OR1J2: variants seen among roughly 807,000 people sequenced by gnomAD.
The protein encoded by OR1J2 is olfactory receptor 1J2.
For synonymous variants in OR1J2, 142 were observed against 99.7 expected, an observed-to-expected ratio of 1.42 and a Z score of -2.52; for missense variants, 304 against 246.1, an observed-to-expected ratio of 1.24 and a Z score of -1.57.
chr9:122,544,762 C>T, the OR1J2 span, among the ~76,000 whole-genome samples: 1 of 152,144 alleles, frequency 6.6e-6, no homozygotes, highest in Non-Finnish European at 1.5e-5. Flanking sequence ...TTCTCTTGAT[C>T]CATCTGGCTA....
the OR1J2 span, among the ~76,000 whole-genome samples, chr9:122,474,787 G>T: frequency 8.6e-5 from 13 of 151,900 alleles, no homozygotes; most frequent in Non-Finnish European, 1.9e-4. Flanking sequence ...CATTCTTCAG[G>T]ACTGCAGTAA....
chr9:122,505,284 G>A, the OR1J2 span, among the ~76,000 whole-genome samples: 1 of 152,172 alleles, frequency 6.6e-6, no homozygotes, highest in Non-Finnish European at 1.5e-5. Context: ...CTTCTTGCTG[G>A]TGAGGACTCT....
chr9:122,493,837 A>G, the OR1J2 span, among the ~76,000 whole-genome samples: 4 of 152,260 alleles, frequency 2.6e-5, no homozygotes, highest in South Asian at 6.2e-4. Flanking sequence ...ATTTAATGCT[A>G]TGAACTCTCC....
the OR1J2 span, among the ~76,000 whole-genome samples, chr9:122,533,872 T>C: frequency 0.12 from 17,867 of 152,146 alleles, 1,714 homozygotes; most frequent in African/African-American, 0.26. Flanking sequence ...ACAGGGCTTC[T>C]GAGGCGATCA....
chr9:122,465,392 G>T, the OR1J2 span, among the ~76,000 whole-genome samples: 1 of 152,082 alleles, frequency 6.6e-6, no homozygotes, highest in Non-Finnish European at 1.5e-5. Flanking sequence ...AAGCAGAATG[G>T]GATCCCAAAA....
the OR1J2 span, among the ~76,000 whole-genome samples, chr9:122,500,027 A>G: frequency 0.046 from 6,973 of 152,288 alleles, 165 homozygotes; most frequent in Middle Eastern, 0.11. Flanking sequence ...AACACTTTCC[A>G]TAGTTCTGGC....
At chr9:122,464,076 C>T in the OR1J2 span, among the ~76,000 whole-genome samples, 1 of 152,284 alleles carries the variant, frequency 6.6e-6, no homozygotes, top group South Asian at 2.1e-4. Flanking sequence ...CAGGGTTAGG[C>T]ATGTCTGAGC....
At chr9:122,467,664 G>T in the OR1J2 span, among the ~76,000 whole-genome samples, 2 of 152,148 alleles carry the variant, frequency 1.3e-5, no homozygotes, top group African/African-American at 4.8e-5. Flanking sequence ...AGATGGCACT[G>T]CAAGGTATTA....
the OR1J2 span, among the ~76,000 whole-genome samples, chr9:122,533,602 C>T: frequency 6.6e-6 from 1 of 152,008 alleles, no homozygotes; most frequent in Admixed American, 6.6e-5. Context: ...GTTAAAGTGT[C>T]TCAGCCTAAT....
the OR1J2 span, among the ~76,000 whole-genome samples, chr9:122,474,563 G>A: frequency 6.6e-6 from 1 of 152,274 alleles, no homozygotes; most frequent in South Asian, 2.1e-4. Flanking sequence ...GCAGGTATCA[G>A]GATGAAATAA....
the OR1J2 span, among the ~76,000 whole-genome samples, chr9:122,468,685 C>T: frequency 3.3e-5 from 5 of 152,334 alleles, no homozygotes; most frequent in East Asian, 9.6e-4. Flanking sequence ...GCAGTCCCCG[C>T]TGCATCCTTG....
chr9:122,469,530 A>G, the OR1J2 span, among the ~76,000 whole-genome samples: 2 of 152,202 alleles, frequency 1.3e-5, no homozygotes, highest in Non-Finnish European at 2.9e-5. Context: ...CAGCTGCATG[A>G]AAATGGACTA....
At chr9:122,466,038 G>A in the OR1J2 span, among the ~76,000 whole-genome samples, 1 of 152,162 alleles carries the variant, frequency 6.6e-6, no homozygotes, top group Non-Finnish European at 1.5e-5. Context: ...AATTAACACA[G>A]TATTATAATT....
the OR1J2 span, among the ~76,000 whole-genome samples, chr9:122,530,974 T>C: frequency 6.6e-6 from 1 of 152,194 alleles, no homozygotes; most frequent in African/African-American, 2.4e-5. Flanking sequence ...ACAGGGGATA[T>C]GATGGCTTAG....
At chr9:122,487,969 T>A in the OR1J2 span, among the ~76,000 whole-genome samples, 1 of 152,226 alleles carries the variant, frequency 6.6e-6, no homozygotes, top group Non-Finnish European at 1.5e-5. Flanking sequence ...TCCCATTTAT[T>A]GAGTTTGACA....
chr9:122,548,582 A>T, the OR1J2 span, among the ~76,000 whole-genome samples: 5 of 149,996 alleles, frequency 3.3e-5, no homozygotes, highest in African/African-American at 9.7e-5. Context: ...CCAATTTTTT[A>T]AAATTTTTAT....
chr9:122,522,237 A>G, the OR1J2 span, among the ~76,000 whole-genome samples: 1 of 152,332 alleles, frequency 6.6e-6, no homozygotes, highest in Non-Finnish European at 1.5e-5. Context: ...CAAGTTAACA[A>G]ATAGTTCTGA....
chr9:122,552,007 AGGTGAG>A, the OR1J2 span, among the ~76,000 whole-genome samples: 2 of 148,778 alleles, frequency 1.3e-5, no homozygotes, highest in African/African-American at 5.0e-5. Flanking sequence ...ATAATCTGAC[AGGTGAG>A]GATTTGGAAG....
chr9:122,482,220 C>T, the OR1J2 span, among the ~76,000 whole-genome samples: 1 of 151,998 alleles, frequency 6.6e-6, no homozygotes, highest in African/African-American at 2.4e-5. Flanking sequence ...TACCTGAATA[C>T]GTATTTCTCA....
Sources: gnomAD v4.1 joint callset for allele counts (sites outside exome capture counted in the v4.1 genomes callset) on GRCh38, gnomAD v4.1.1 for gene constraint, MANE v1.5 for transcripts, NCBI Gene and HGNC (gene_info 2026-07-23, HGNC 2026-07-21) for gene names.